CDH8: variants seen among roughly 807,000 people sequenced by gnomAD.
CDH8 encodes the protein cadherin 8, also known as cadherin-8.
CDH8 carries 17 observed loss-of-function variants against 68.1 expected under a neutral mutation model. That is an observed-to-expected ratio of 0.25 (90% CI 0.17 to 0.37). CDH8 has a LOEUF of 0.37. Ranked by LOEUF, CDH8 falls within the 10% of genes least tolerant of loss-of-function variation. The probability of loss-of-function intolerance (pLI) is 1.00; values close to 1 mark genes in which losing one functional copy is unlikely to be tolerated. For synonymous variants in CDH8, 372 were observed against 365.1 expected (o/e 1.02, Z -0.21); for missense variants, 763 against 999.3 (o/e 0.76, Z 3.19).
intron 8 of CDH8, among the ~76,000 whole-genome samples, chr16:61,763,168 T>C (rs936746533): frequency 5.9e-5 from 9 of 152,166 alleles, no homozygotes; most frequent in African/African-American, 1.9e-4. Flanking sequence ...CCTATGTTCA[T>C]AGCACTGTGC....
At chr16:61,734,457 C>A (rs999576246) in intron 8 of CDH8, among the ~76,000 whole-genome samples, 1 of 152,124 alleles carries the variant, frequency 6.6e-6, no homozygotes, top group East Asian at 1.9e-4. Context: ...CTTTCTAGGG[C>A]CATTTTCCAG....
intron 8 of CDH8, among the ~76,000 whole-genome samples, chr16:61,746,455 A>G (rs551639230): frequency 6.6e-6 from 1 of 151,658 alleles, no homozygotes; most frequent in African/African-American, 2.4e-5. Flanking sequence ...GCTGCCTTTA[A>G]ATCATGTTGT....
chr16:61,810,868 C>CA, intron 7 of CDH8, among the ~76,000 whole-genome samples: 1 of 151,696 alleles, frequency 6.6e-6, no homozygotes, highest in Non-Finnish European at 1.5e-5. Flanking sequence ...GTTAAAAATA[C>CA]AAAAAATTAG....
At chr16:62,000,325 G>A (rs909017677) in intron 2 of CDH8, among the ~76,000 whole-genome samples, 7 of 152,098 alleles carry the variant, frequency 4.6e-5, no homozygotes, top group Admixed American at 4.6e-4. Context: ...CCAGTAATGA[G>A]ATTGCTGGGT....
chr16:61,647,832 G>T lies in CDH8; in HGVS notation c.*5776C>A. ...TTCATTGAAGCCATGGTTTTCCACA[G>T]TCTTTCTCTTCAGACAGCATCTTGT... On this transcript the variant is annotated 3_prime_UTR_variant, in exon 12 of 12. Coordinates refer to ENST00000577390, the MANE Select transcript of CDH8 (RefSeq NM_001796.5). 2.9e-6 allele frequency: 2 copies of T among 699,862 alleles called. No homozygotes were observed. Among genetic ancestry groups the T allele is most frequent in the Admixed American group, 2.0e-5 (1 of 49,908 alleles). The allele number at this position is 699,862 out of a possible 1,614,324, so 43.4% of individuals were successfully genotyped here.
rs190714511 is a variant in CDH8, at chr16:61,978,794, T to C, written c.252+42358A>G. Among the ~76,000 whole-genome samples, 20 of 152,276 alleles carry C rather than the reference T, an allele frequency of 1.3e-4. No individual in the cohort carries two copies. In the East Asian group the frequency reaches 1.9e-3, roughly 15 times the overall value. ...TTTAGCAGCACCTACAAACGGCTAC[T>C]TACAGTTGATTTTCCTTTTGACAAG... On this transcript the variant is annotated intron_variant, in intron 2 of 11. Transcript: ENST00000577390.
At chr16:61,673,029 G>C (rs1374227799) in intron 10 of CDH8, among the ~76,000 whole-genome samples, 1 of 152,062 alleles carries the variant, frequency 6.6e-6, no homozygotes, top group Non-Finnish European at 1.5e-5. Context: ...CTATAGTTAT[G>C]AACCAAATTC....
chr16:61,863,873 T>C (rs1963201523), intron 3 of CDH8, among the ~76,000 whole-genome samples: 1 of 152,178 alleles, frequency 6.6e-6, no homozygotes, highest in Non-Finnish European at 1.5e-5. Context: ...GAAAATGTCT[T>C]ACTTAAACAT....
At chr16:61,802,076 T>A (rs1177497415) in intron 7 of CDH8, among the ~76,000 whole-genome samples, 1 of 143,266 alleles carries the variant, frequency 7.0e-6, no homozygotes, top group South Asian at 2.2e-4. Flanking sequence ...GTCTGACAGC[T>A]TTGAAGAGAG....
Position 62,036,309 on chromosome 16 carries a change from C to T in CDH8, c.-429G>A. Reference sequence around the variant, plus strand: ...ACCCAAAGTGCAGCTGGTGTCTTGACGCTACCGTCTATGCACAAGCCGGCG... The same window carrying T: ...ACCCAAAGTGCAGCTGGTGTCTTGATGCTACCGTCTATGCACAAGCCGGCG... On this transcript the variant is annotated 5_prime_UTR_variant, in exon 1 of 12. Transcript: ENST00000577390. 1 of 153,066 alleles carries T rather than the reference C, an allele frequency of 6.5e-6. No individual in the cohort carries two copies. The highest frequency in any genetic ancestry group is 1.5e-5 in the Non-Finnish European group (1 of 68,690). The allele number at this position is 153,066 out of a possible 1,614,324, so 9.5% of individuals were successfully genotyped here.
At chr16:61,755,252 A>T (rs1960281476) in intron 8 of CDH8, among the ~76,000 whole-genome samples, 2 of 152,184 alleles carry the variant, frequency 1.3e-5, no homozygotes, top group South Asian at 4.1e-4. Context: ...AATCTTAAGG[A>T]ATGTATAATT....
At chr16:61,782,977 A>C (rs954611077) in intron 8 of CDH8, among the ~76,000 whole-genome samples, 1 of 151,356 alleles carries the variant, frequency 6.6e-6, no homozygotes, top group Admixed American at 6.6e-5. Context: ...TAAAACCACA[A>C]AGATGGGGAA....
chr16:61,771,485 A>C (rs1341268960), intron 8 of CDH8, among the ~76,000 whole-genome samples: 1 of 151,654 alleles, frequency 6.6e-6, no homozygotes, highest in East Asian at 1.9e-4. Flanking sequence ...AAAAAAAAAA[A>C]AAAAAAAACT....
At position 61,715,316 on chromosome 16, in the gene CDH8, C is replaced by T. The variant is rs75092848; in HGVS notation, c.1537-1358G>A. On this transcript the variant is annotated intron_variant, in intron 9 of 11. Transcript: ENST00000577390. ...GTGAGATAGTCATCAAGAGAAAGGA[C>T]TCTGGAGTTAAGCTTCCCAGATAAG... 5.9e-4 allele frequency among the ~76,000 whole-genome samples: 90 copies of T among 151,646 alleles called. No individual in the cohort carries two copies. The East Asian group carries it at 0.017, about 28-fold the overall frequency.
chr16:62,005,257 C>A (rs896497432), intron 2 of CDH8, among the ~76,000 whole-genome samples: 1 of 152,330 alleles, frequency 6.6e-6, no homozygotes, highest in African/African-American at 2.4e-5. Flanking sequence ...AGGAAGACAG[C>A]TGCAAAAGCC....
chr16:61,693,878 T>A (rs1596872995), intron 10 of CDH8: 2 of 152,200 alleles, frequency 1.3e-5, no homozygotes, highest in East Asian at 1.9e-4. Flanking sequence ...TTTGCAGGCA[T>A]TATCTCTAAT....
chr16:61,734,157 G>A (rs1025469017), intron 8 of CDH8, among the ~76,000 whole-genome samples: 3 of 152,052 alleles, frequency 2.0e-5, no homozygotes, highest in Non-Finnish European at 4.4e-5. Context: ...ACTAGACTGA[G>A]AGATATGAAG....
At chr16:62,011,685 C>CTG (rs888543254) in intron 2 of CDH8, among the ~76,000 whole-genome samples, 1 of 151,524 alleles carries the variant, frequency 6.6e-6, no homozygotes, top group Non-Finnish European at 1.5e-5. Flanking sequence ...AAAACAGATT[C>CTG]TGATTCAATA....
intron 9 of CDH8, among the ~76,000 whole-genome samples, chr16:61,715,318 C>T (rs145542679): frequency 0.012 from 1,844 of 151,622 alleles, 43 homozygotes; most frequent in African/African-American, 0.043. Context: ...AGAAAGGACT[C>T]TGGAGTTAAG....
Sources: allele counts gnomAD v4.1 joint callset (sites outside exome capture counted in the v4.1 genomes callset), GRCh38; gene constraint gnomAD v4.1.1; transcripts MANE v1.5; gene names NCBI Gene and HGNC (gene_info 2026-07-23, HGNC 2026-07-21).